Variants in DACH2 observed in about 807,000 individuals in gnomAD.
DACH2 encodes dachshund homolog 2.
Under a neutral mutation model 35.8 loss-of-function variants are expected in DACH2, and 17 were observed. That is an observed-to-expected ratio of 0.48 (90% CI 0.33 to 0.71). DACH2 has a LOEUF of 0.71. Among genes scored for constraint, DACH2 ranks in the 30% least tolerant of loss-of-function variants. The pLI is 0.02. For synonymous variants in DACH2, 195 were observed against 177.3 expected (o/e 1.10, Z -0.79); for missense variants, 469 against 472.7 (o/e 0.99, Z 0.07).
intron 7 of DACH2, among the ~76,000 whole-genome samples, chrX:86,797,306 A>G (rs2042248828): frequency 9.1e-6 from 1 of 110,415 alleles, no homozygotes; most frequent in Non-Finnish European, 1.9e-5. Context: ...TTACATACAT[A>G]AGTATATATA....
chrX:86,560,096 G>C (rs1298820361), intron 3 of DACH2, among the ~76,000 whole-genome samples: 1 of 40,590 alleles, frequency 2.5e-5, no homozygotes, highest in Non-Finnish European at 4.0e-5. Context: ...TCCTTTCCAT[G>C]TTTAGCGCTT....
intron 1 of DACH2, among the ~76,000 whole-genome samples, chrX:86,290,582 C>G (rs1414792035): frequency 9.2e-6 from 1 of 109,049 alleles, no homozygotes; most frequent in Non-Finnish European, 1.9e-5. Flanking sequence ...TTTAATACAT[C>G]TTGAATTGAT....
At chrX:86,724,130 A>G (rs1481732017) in intron 6 of DACH2, among the ~76,000 whole-genome samples, 1 of 111,335 alleles carries the variant, frequency 9.0e-6, no homozygotes, top group East Asian at 2.8e-4. Context: ...TTGACATGTG[A>G]AGTTTTGTGC....
At chrX:86,739,356 C>A (rs762196994) in intron 6 of DACH2, among the ~76,000 whole-genome samples, 1 of 99,039 alleles carries the variant, frequency 1.0e-5, no homozygotes, top group African/African-American at 3.3e-5. Flanking sequence ...TTTGGGAGTT[C>A]TCCTTCTTAA....
At chrX:86,373,873 G>T (rs1203189237) in intron 1 of DACH2, among the ~76,000 whole-genome samples, 1 of 111,535 alleles carries the variant, frequency 9.0e-6, no homozygotes, top group Non-Finnish European at 1.9e-5. Flanking sequence ...TCTTTAAAAT[G>T]CTCTGTTTGA....
chrX:86,568,726 G>T (rs1270247984), intron 3 of DACH2, among the ~76,000 whole-genome samples: 1 of 111,251 alleles, frequency 9.0e-6, no homozygotes, highest in Non-Finnish European at 1.9e-5. Flanking sequence ...GATTCCTGAT[G>T]CACGAATGGG....
chrX:86,818,720 A>G (rs903461449), intron 11 of DACH2, among the ~76,000 whole-genome samples: 1 of 110,303 alleles, frequency 9.1e-6, no homozygotes, highest in Non-Finnish European at 1.9e-5. Context: ...CATCTCCATC[A>G]CAGGAAATAA....
intron 2 of DACH2, among the ~76,000 whole-genome samples, chrX:86,378,039 A>G (rs775172075): frequency 2.9e-4 from 32 of 110,282 alleles, no homozygotes; most frequent in African/African-American, 1.0e-3. Flanking sequence ...TTATGTTTTG[A>G]GTCTAGGCTT....
chrX:86,505,832 C>T (rs192055579), intron 2 of DACH2, among the ~76,000 whole-genome samples: 29 of 111,615 alleles, frequency 2.6e-4, no homozygotes, highest in African/African-American at 8.1e-4. Context: ...AGTGAAAATA[C>T]GAAGTATATT....
intron 2 of DACH2, among the ~76,000 whole-genome samples, chrX:86,502,962 C>T (rs2038272805): frequency 9.0e-6 from 1 of 111,278 alleles, no homozygotes; most frequent in African/African-American, 3.3e-5. Flanking sequence ...GATTGGACAC[C>T]CCTGACATAC....
At chrX:86,349,390 C>G (rs2035553561) in intron 1 of DACH2, among the ~76,000 whole-genome samples, 1 of 111,828 alleles carries the variant, frequency 8.9e-6, no homozygotes, top group Non-Finnish European at 1.9e-5. Flanking sequence ...TCTCTGCCCG[C>G]TAGGGTCTCA....
In DACH2 at chrX:86,632,575, T is replaced by C. The variant is rs1221570273; in HGVS notation, c.641-18461T>C. ...GTTGAATTCTAAGTTAAGAAGAGGA[T>C]GTAGAAAGAATACACAATGGGGACA... On this transcript the variant is annotated intron_variant, in intron 3 of 11. Transcript: ENST00000373125. 2.7e-5 allele frequency among the ~76,000 whole-genome samples: 3 copies of C among 109,974 alleles called. No homozygotes were observed. The Admixed American group carries it at 2.9e-4, about 11-fold the overall frequency.
At chrX:86,442,860 T>G (rs1238413292) in intron 2 of DACH2, among the ~76,000 whole-genome samples, 1 of 111,901 alleles carries the variant, frequency 8.9e-6, no homozygotes, top group African/African-American at 3.3e-5. Context: ...ATCAGTAGGT[T>G]GTAAACACAT....
intron 4 of DACH2, among the ~76,000 whole-genome samples, chrX:86,678,233 A>T (rs965320865): frequency 1.5e-4 from 17 of 112,275 alleles, no homozygotes; most frequent in African/African-American, 4.8e-4. Context: ...TTTTCAGACC[A>T]TGATATTTTA....
intron 7 of DACH2, among the ~76,000 whole-genome samples, chrX:86,744,186 T>C (rs1227514404): frequency 9.0e-6 from 1 of 111,255 alleles, no homozygotes; most frequent in Non-Finnish European, 1.9e-5. Context: ...TTTCTTGCTG[T>C]GGAATGGTAG....
chrX:86,600,839 G>T (rs905518354), intron 3 of DACH2, among the ~76,000 whole-genome samples: 2 of 111,019 alleles, frequency 1.8e-5, no homozygotes, highest in African/African-American at 3.3e-5. Flanking sequence ...ACTATATCGT[G>T]CACTTCCACT....
chrX:86,268,912 G>A lies in DACH2; in HGVS notation c.489-107912G>A, dbSNP rs765575088. ...ATGAGATGTTTTGATACAGGCATGC[G>A]ATCTATAATAATCACATCTTATAAA... is the stretch of plus-strand genomic sequence containing the variant. On this transcript the variant is annotated intron_variant, in intron 1 of 11. Transcript: ENST00000373125. 3.6e-5 allele frequency among the ~76,000 whole-genome samples: 4 copies of A among 110,753 alleles called. No individual in the cohort carries two copies. In the East Asian group the frequency reaches 8.5e-4, roughly 24 times the overall value.
chrX:86,810,819 A>C (rs2042387766), intron 7 of DACH2, among the ~76,000 whole-genome samples: 1 of 111,318 alleles, frequency 9.0e-6, no homozygotes, highest in Admixed American at 9.6e-5. Flanking sequence ...TCTCTGGAAT[A>C]ATTTACCTCT....
intron 6 of DACH2, among the ~76,000 whole-genome samples, chrX:86,735,268 T>G (rs898806875): frequency 9.0e-6 from 1 of 111,711 alleles, no homozygotes; most frequent in South Asian, 3.6e-4. Context: ...TGTAAAATAA[T>G]ATATTGAAAT....
Sources: gnomAD v4.1 joint callset for allele counts (sites outside exome capture counted in the v4.1 genomes callset) on GRCh38, gnomAD v4.1.1 for gene constraint, MANE v1.5 for transcripts, NCBI Gene and HGNC (gene_info 2026-07-23, HGNC 2026-07-21) for gene names.